Variants in ADORA2A observed in about 807,000 individuals in gnomAD.
ADORA2A encodes the protein adenosine receptor A2a.
A neutral mutation model predicts 18.4 loss-of-function variants in ADORA2A; 11 were observed. The observed-to-expected ratio is 0.60, with a 90% CI of 0.38 to 0.99. ADORA2A has a LOEUF of 0.99. Ranked by LOEUF, ADORA2A falls within the 50% of genes least tolerant of loss-of-function variation. ADORA2A has a pLI of 0.01. For synonymous variants in ADORA2A, 218 were observed against 237.3 expected (o/e 0.92, Z 0.75); for missense variants, 449 against 556.1 (o/e 0.81, Z 1.94).
chr22:24,425,337 A>ACCCCCCCCCCCCCC (rs398036656), upstream of ADORA2A, among the ~76,000 whole-genome samples: 700 of 82,374 alleles, frequency 8.5e-3, 36 homozygotes, highest in Middle Eastern at 0.011. Flanking sequence ...TGTGGGCAGC[A>ACCCCCCCCCCCCCC]CCCCCCCCCC....
chr22:24,435,829 A>G (rs1161475377), intron 2 of ADORA2A, among the ~76,000 whole-genome samples: 1 of 152,032 alleles, frequency 6.6e-6, no homozygotes, highest in African/African-American at 2.4e-5. Context: ...TTCCACCCAG[A>G]CCTTGAGCCA....
At chr22:24,433,011 T>G in intron 1 of ADORA2A, 120 bp from the exon 2 acceptor site, 2 of 253,336 alleles carry the variant, frequency 7.9e-6, no homozygotes, top group Non-Finnish European at 1.6e-5. Flanking sequence ...GGCCTGTGGG[T>G]AGGGTGGGAT....
upstream of ADORA2A, among the ~76,000 whole-genome samples, chr22:24,426,919 C>A (rs767193160): frequency 3.3e-5 from 5 of 152,220 alleles, no homozygotes; most frequent in Non-Finnish European, 7.3e-5. Context: ...CTCACCACCC[C>A]CCGCCAACAC....
chr22:24,433,446 G>A lies in ADORA2A; in HGVS notation c.42G>A (p.Leu14=), dbSNP rs774201347. 8.1e-6 allele frequency: 13 copies of A among 1,612,904 alleles called. No individual in the cohort carries two copies. In the South Asian group the frequency reaches 1.4e-4, roughly 18 times the overall value. ...MGSSVYITVE[L]AIAVLAILGN... The stretch of plus-strand genomic sequence containing the variant: ...CCTCGGTGTACATCACGGTGGAGCT[G>A]GCCATTGCTGTGCTGGCCATCCTGG... Residue 14 remains leucine (L), a synonymous_variant, in exon 2 of 3, where the codon CTG becomes CTA. Transcript: ENST00000337539.
At chr22:24,423,917 A>C (rs1042618203), upstream of ADORA2A, 2 of 151,188 alleles carry the variant, frequency 1.3e-5, no homozygotes, top group African/African-American at 2.4e-5. Context: ...CCGGAGACCC[A>C]GCGGCCGCCG....
Position 24,433,313 on chromosome 22 carries a change from G to C in ADORA2A, c.-92G>C. 1 of 1,309,010 alleles carries C rather than the reference G, an allele frequency of 7.6e-7. No individual in the cohort carries two copies. The allele number at this position is 1,309,010 out of a possible 1,614,324, so 81.1% of individuals were successfully genotyped here. A position where few individuals can be genotyped will look rare whatever the true frequency, so the allele number is the denominator to read the frequency against. ...GGTCTGGGCCCCTCCGCCTGGGCCG[G>C]GCTGGGAGCCAGGCGGGCGGCTGGG... is the stretch of plus-strand genomic sequence containing the variant. On this transcript the variant is annotated 5_prime_UTR_variant, in exon 2 of 3. Transcript: ENST00000337539.
chr22:24,441,151 A>G lies in ADORA2A; in HGVS notation c.901A>G (p.Lys301Glu). The G allele has an allele frequency of 1.2e-6, 2 of 1,614,210 alleles. No individual in the cohort carries two copies. Among genetic ancestry groups the G allele is most frequent in the Non-Finnish European group, 1.7e-6 (2 of 1,180,042 alleles). The stretch of plus-strand genomic sequence containing the variant: ...CCGCGAGTTCCGCCAGACCTTCCGC[A>G]AGATCATTCGCAGCCACGTCCTGAG... ...RIREFRQTFRKIIRSHVLRQQ... is the reference protein window; with the variant it reads ...RIREFRQTFREIIRSHVLRQQ... The change falls in exon 3 of 3, where the codon AAG (lysine) becomes GAG (glutamate). Residue 301 changes from lysine to glutamate, a missense_variant. Physicochemically the swap from Lys to Glu is moderately conservative, Grantham distance 56. Transcript: ENST00000337539.
At chr22:24,425,926 G>A (rs1383430160), upstream of ADORA2A, among the ~76,000 whole-genome samples, 1 of 152,232 alleles carries the variant, frequency 6.6e-6, no homozygotes, top group Non-Finnish European at 1.5e-5. Flanking sequence ...GCAAGTGGGG[G>A]AAGGTTTAGG....
intron 2 of ADORA2A, among the ~76,000 whole-genome samples, chr22:24,434,796 G>A (rs976645443): frequency 2.0e-5 from 3 of 152,244 alleles, no homozygotes; most frequent in Non-Finnish European, 2.9e-5. Flanking sequence ...AATTTAGAGC[G>A]TCAAAGCCAA....
chr22:24,434,501 C>A (rs1369682855), intron 2 of ADORA2A, among the ~76,000 whole-genome samples: 1 of 152,230 alleles, frequency 6.6e-6, no homozygotes. Context: ...CCTACCCAGG[C>A]CATAGATGAG....
rs1455738619 is a variant in ADORA2A, at chr22:24,433,482, G to C, written c.78G>C (p.Leu26=). ...TGCTGGCCATCCTGGGCAATGTGCT[G>C]GTGTGCTGGGCCGTGTGGCTCAACA... The part of the protein sequence containing the change: ...IAVLAILGNV[L]VCWAVWLNSN... The change falls in exon 2 of 3, where the codon CTG becomes CTC. Residue 26 remains leucine, a synonymous_variant. Transcript: ENST00000337539. 6.2e-7 allele frequency: 1 copy of C among 1,614,052 alleles called. No individual in the cohort carries two copies. Among genetic ancestry groups the C allele is most frequent in the African/African-American group, 1.3e-5 (1 of 74,948 alleles).
In ADORA2A at chr22:24,441,813, T is replaced by G; in HGVS notation, c.*324T>G. On this transcript the variant is annotated 3_prime_UTR_variant, in exon 3 of 3. Transcript: ENST00000337539. ...CACCACCTTGTCTCCACAGAGCAGC[T>G]TGGGCACAGCAGACTGGCCTGGCCC... 4.2e-6 allele frequency: 1 copy of G among 236,220 alleles called. No individual in the cohort carries two copies. Among genetic ancestry groups the G allele is most frequent in the Non-Finnish European group, 8.3e-6 (1 of 120,496 alleles). The allele number at this position is 236,220 out of a possible 1,614,324, so 14.6% of individuals were successfully genotyped here.
intron 2 of ADORA2A, among the ~76,000 whole-genome samples, chr22:24,439,722 C>T (rs1385052775): frequency 6.6e-6 from 1 of 152,062 alleles, no homozygotes; most frequent in African/African-American, 2.4e-5. Flanking sequence ...AGCCATTTCC[C>T]GAGTATGAGA....
chr22:24,431,229 A>G (rs1011833730), intron 1 of ADORA2A: 1 of 456,780 alleles, frequency 2.2e-6, no homozygotes, highest in Non-Finnish European at 4.4e-6. Context: ...CAGCTGCTGC[A>G]GGCCCTCCGT....
chr22:24,427,942 C>G (rs546360776), intron 1 of ADORA2A, among the ~76,000 whole-genome samples, 196 bp downstream of exon 1: 1 of 152,194 alleles, frequency 6.6e-6, no homozygotes. Context: ...CCCATCTTGC[C>G]CACATCCTGC....
Position 24,441,369 on chromosome 22 carries a change from G to A in ADORA2A, c.1119G>A (p.Glu373=), listed in dbSNP as rs1056962297. Residue 373 remains glutamate (E), a synonymous_variant, in exon 3 of 3, where the codon GAG becomes GAA. Transcript: ENST00000337539. The part of the protein sequence containing the change: ...LGLVSGGSAQ[E]SQGNTGLPDV... ...TGGTGAGTGGAGGGAGTGCCCAAGA[G>A]TCCCAGGGGAACACGGGCCTCCCAG... 3.2e-6 allele frequency: 5 copies of A among 1,581,682 alleles called. No homozygotes were observed. In the African/African-American group the frequency reaches 4.0e-5, roughly 13 times the overall value.
chr22:24,428,920 G>C (rs1049439204), intron 1 of ADORA2A, among the ~76,000 whole-genome samples: 2 of 152,348 alleles, frequency 1.3e-5, no homozygotes, highest in East Asian at 3.9e-4. Context: ...TGCCAGGCCT[G>C]GTGGAGGTAC....
Position 24,433,270 on chromosome 22 carries a change from G to A in ADORA2A, c.-135G>A. On this transcript the variant is annotated 5_prime_UTR_variant, in exon 2 of 3. The change creates a new upstream start codon in the 5' untranslated region. Coordinates refer to ENST00000337539, the MANE Select transcript of ADORA2A (RefSeq NM_000675.6). ...CCCAGCAGGGCTGCACTTGGCTCCT[G>A]TGAGGAAGGGGCTCAGGGGTCTGGG... 1.2e-6 allele frequency: 1 copy of A among 833,066 alleles called. No homozygotes were observed. Among genetic ancestry groups the A allele is most frequent in the Non-Finnish European group, 1.8e-6 (1 of 546,508 alleles). The allele number at this position is 833,066 out of a possible 1,614,324, so 51.6% of individuals were successfully genotyped here.
At chr22:24,430,869 G>A (rs919115696) in intron 1 of ADORA2A, 3 of 346,676 alleles carry the variant, frequency 8.7e-6, no homozygotes, top group Non-Finnish European at 1.7e-5. Context: ...GCTCCTCAGT[G>A]GCCCACTGGG....
Sources: gnomAD v4.1 joint callset for allele counts (sites outside exome capture counted in the v4.1 genomes callset) on GRCh38, gnomAD v4.1.1 for gene constraint, MANE v1.5 for transcripts, NCBI Gene and HGNC (gene_info 2026-07-23, HGNC 2026-07-21) for gene names.